The following AP3B1 variants were observed in gnomAD, a reference collection of about 807,000 sequenced individuals.
AP3B1 encodes the protein adaptor related protein complex 3 subunit beta 1.
AP3B1 carries 61 observed loss-of-function variants against 132.5 expected under a neutral mutation model. That is an observed-to-expected ratio of 0.46 (90% confidence interval 0.37 to 0.57). The LOEUF is 0.57. Ranked by LOEUF, AP3B1 falls within the 20% of genes least tolerant of loss-of-function variation. The pLI is 0.00. For missense variants in AP3B1, 1,120 were observed against 1,289.4 expected, an observed-to-expected ratio of 0.87 and a Z score of 2.01; for synonymous variants, 388 against 438.3, an observed-to-expected ratio of 0.89 and a Z score of 1.43.
At chr5:78,286,256 G>C (rs182363234) in intron 1 of AP3B1, among the ~76,000 whole-genome samples, 3 of 152,214 alleles carry the variant, frequency 2.0e-5, no homozygotes, top group African/African-American at 7.2e-5. Flanking sequence ...TATGATTTTG[G>C]AACCACCCTA....
chr5:78,272,393 T>C (rs929176790), intron 1 of AP3B1, among the ~76,000 whole-genome samples: 1 of 152,212 alleles, frequency 6.6e-6, no homozygotes, highest in Non-Finnish European at 1.5e-5. Context: ...CCTCTTCAAT[T>C]ATTTTACAAA....
At chr5:78,081,020 C>T (rs1749977588) in intron 22 of AP3B1, among the ~76,000 whole-genome samples, 1 of 151,994 alleles carries the variant, frequency 6.6e-6, no homozygotes, top group Non-Finnish European at 1.5e-5. Context: ...AAATGGATGG[C>T]CCTAAGATCA....
At chr5:78,041,579 A>G (rs530186406) in intron 22 of AP3B1, among the ~76,000 whole-genome samples, 10 of 151,982 alleles carry the variant, frequency 6.6e-5, no homozygotes, top group Admixed American at 1.3e-4. Flanking sequence ...TAATAATAAT[A>G]AAATAATAAT....
At chr5:78,267,845 G>A (rs1748391095) in intron 1 of AP3B1, among the ~76,000 whole-genome samples, 1 of 152,080 alleles carries the variant, frequency 6.6e-6, no homozygotes, top group South Asian at 2.1e-4. Context: ...CCCAGTCTGT[G>A]GCATTTTGTT....
At chr5:78,197,649 T>C (rs1348465894) in intron 7 of AP3B1, among the ~76,000 whole-genome samples, 2 of 152,206 alleles carry the variant, frequency 1.3e-5, no homozygotes, top group African/African-American at 4.8e-5. Context: ...TTATTTTATC[T>C]GAATGGATTT....
intron 25 of AP3B1, 51 bp downstream of exon 25, chr5:78,020,641 G>A (rs752101910): frequency 1.5e-6 from 2 of 1,356,586 alleles, no homozygotes; most frequent in Non-Finnish European, 2.1e-6. Context: ...ACAGGAATAA[G>A]CACATATTAT....
intron 21 of AP3B1, among the ~76,000 whole-genome samples, chr5:78,097,416 G>A (rs1453787715): frequency 2.3e-5 from 3 of 129,934 alleles, no homozygotes; most frequent in African/African-American, 2.9e-5. Context: ...CAGCCGCCTC[G>A]TCCGGGAGGT....
At chr5:78,292,323 G>A (rs1236478911) in intron 1 of AP3B1, among the ~76,000 whole-genome samples, 2 of 152,112 alleles carry the variant, frequency 1.3e-5, no homozygotes, top group Non-Finnish European at 2.9e-5. Flanking sequence ...TTAGACTGCA[G>A]GTCAATAGCC....
intron 26 of AP3B1, among the ~76,000 whole-genome samples, chr5:78,014,795 T>C (rs1405849469): frequency 7.9e-5 from 12 of 152,178 alleles, no homozygotes; most frequent in Admixed American, 7.9e-4. Context: ...TTAAAGCCAC[T>C]GGAATTCATA....
At chr5:78,177,294 T>C in intron 9 of AP3B1, 45 bp downstream of exon 9, 1 of 1,290,010 alleles carries the variant, frequency 7.8e-7, no homozygotes, top group Non-Finnish European at 1.1e-6. Flanking sequence ...AACATTACTT[T>C]TGAAGGAATA....
chr5:78,108,269 C>A (rs1305835321), intron 20 of AP3B1, among the ~76,000 whole-genome samples: 1 of 152,162 alleles, frequency 6.6e-6, no homozygotes, highest in Non-Finnish European at 1.5e-5. Context: ...CACCATCTGC[C>A]TTCATTACTC....
intron 17 of AP3B1, among the ~76,000 whole-genome samples, chr5:78,122,614 A>T (rs1752263835): frequency 6.6e-6 from 1 of 152,194 alleles, no homozygotes; most frequent in Admixed American, 6.5e-5. Flanking sequence ...AAAGAGAATA[A>T]AATACCTAGG....
intron 2 of AP3B1, among the ~76,000 whole-genome samples, chr5:78,256,675 G>C (rs1294802224): frequency 6.6e-6 from 1 of 151,990 alleles, no homozygotes; most frequent in Non-Finnish European, 1.5e-5. Flanking sequence ...TACAAGGCCA[G>C]TATTACCCTG....
intron 11 of AP3B1, among the ~76,000 whole-genome samples, chr5:78,173,403 T>C (rs568551770): frequency 6.6e-6 from 1 of 152,320 alleles, no homozygotes; most frequent in South Asian, 2.1e-4. Flanking sequence ...AGTCTCTTTG[T>C]AGGTCTCTAA....
In AP3B1 at chr5:78,239,845, T is replaced by C. The variant is rs59984934; in HGVS notation, c.279+1017A>G. Among the ~76,000 whole-genome samples, 688 of 150,992 alleles carry C rather than the reference T, an allele frequency of 4.6e-3. 7 individuals are homozygous for C. The highest frequency in any genetic ancestry group is 0.015 in the African/African-American group (629 of 41,084). On this transcript the variant is annotated intron_variant, in intron 3 of 26. Coordinates refer to ENST00000255194, the MANE Select transcript of AP3B1 (RefSeq NM_003664.5). ...TTAAAAATTCCTCTCTCACCAACACTATCAATCACATTTAGTTAAGTAATA... is the reference window on the plus strand; with the variant it reads ...TTAAAAATTCCTCTCTCACCAACACCATCAATCACATTTAGTTAAGTAATA...
chr5:78,102,027 T>C (rs1190792886), intron 20 of AP3B1, among the ~76,000 whole-genome samples: 3 of 152,132 alleles, frequency 2.0e-5, no homozygotes, highest in Non-Finnish European at 4.4e-5. Flanking sequence ...TATTAGATTC[T>C]GTGCCAAGCA....
chr5:78,157,081 G>A (rs1306862064), intron 13 of AP3B1, among the ~76,000 whole-genome samples: 1 of 152,096 alleles, frequency 6.6e-6, no homozygotes, highest in Non-Finnish European at 1.5e-5. Context: ...GCAGGAGATG[G>A]TGGGGGGAGG....
intron 2 of AP3B1, among the ~76,000 whole-genome samples, chr5:78,250,762 G>T (rs182562570): frequency 6.6e-6 from 1 of 151,982 alleles, no homozygotes; most frequent in Non-Finnish European, 1.5e-5. Flanking sequence ...GAGATTTGAG[G>T]GGATGTGGCA....
chr5:78,106,541 T>C (rs1016489497), intron 20 of AP3B1, among the ~76,000 whole-genome samples: 1 of 152,120 alleles, frequency 6.6e-6, no homozygotes, highest in Non-Finnish European at 1.5e-5. Flanking sequence ...TAGCCTGAGT[T>C]TACTGAACTC....
Sources: gnomAD v4.1 joint callset for allele counts (sites outside exome capture counted in the v4.1 genomes callset) on GRCh38, gnomAD v4.1.1 for gene constraint, MANE v1.5 for transcripts, NCBI Gene and HGNC (gene_info 2026-07-23, HGNC 2026-07-21) for gene names.